The following C4orf54 variants were observed in gnomAD, a reference collection of about 807,000 sequenced individuals.
C4orf54 encodes chromosome 4 open reading frame 54, also known as uncharacterized protein C4orf54.
In C4orf54, 67 loss-of-function variants were observed where a neutral mutation model predicts 80.1. That is an observed-to-expected ratio of 0.84 (90% CI 0.69 to 1.03). The LOEUF (loss-of-function observed/expected upper bound fraction) is 1.03, where lower values mean the gene tolerates loss of function less well. Among genes scored for constraint, C4orf54 ranks in the 50% least tolerant of loss-of-function variants. The pLI is 0.00. For missense variants in C4orf54, 2,434 were observed against 2,253.5 expected (o/e 1.08, Z -1.62); for synonymous variants, 1,000 against 917.0 (o/e 1.09, Z -1.64).
chr4:99,648,246 GT>G, intron 2 of C4orf54, among the ~76,000 whole-genome samples: 1 of 152,162 alleles, frequency 6.6e-6, no homozygotes. Context: ...AAGTGTCCCG[GT>G]TTGAACAAGT....
At position 99,650,188 on chromosome 4, in the gene C4orf54, C is replaced by T. The variant is rs1560637644; in HGVS notation, c.4461G>A (p.Arg1487=). Residue 1487 remains arginine (R), a synonymous_variant, in exon 2 of 3, where the codon AGG becomes AGA. Coordinates refer to ENST00000511828, the MANE Select transcript of C4orf54 (RefSeq NM_001354435.2). ...GSSAAGELLS[R]PGASREGPPN... is the part of the protein sequence containing the mutation. ...GGGGCCCCTCCCTGGAAGCCCCAGGCCTGCTAAGAAGCTCCCCTGCAGCAG... is the reference window on the plus strand; with the variant it reads ...GGGGCCCCTCCCTGGAAGCCCCAGGTCTGCTAAGAAGCTCCCCTGCAGCAG... The T allele has an allele frequency of 6.5e-7, 1 of 1,536,026 alleles. No individual in the cohort carries two copies. Among genetic ancestry groups the T allele is most frequent in the African/African-American group, 1.4e-5 (1 of 73,118 alleles).
At position 99,639,280 on chromosome 4, in the gene C4orf54, T is replaced by C. The variant is rs1375203290; in HGVS notation, c.*1953A>G. The C allele has an allele frequency of 6.6e-6, 1 of 152,136 alleles. No individual in the cohort carries two copies. Among genetic ancestry groups the C allele is most frequent in the African/African-American group, 2.4e-5 (1 of 41,440 alleles). The allele number at this position is 152,136 out of a possible 1,614,324, so 9.4% of individuals were successfully genotyped here. ...GGAGGTTTCTTGGTGCTGCTTTCAG[T>C]AAAATAAGTGTAAGATTTCTGAAAG... On this transcript the variant is annotated 3_prime_UTR_variant, in exon 3 of 3. Transcript: ENST00000511828.
chr4:99,650,582 G>A lies in C4orf54; in HGVS notation c.4067C>T (p.Ala1356Val). ...NPSAESVSAR[A>V]AAFENLARER... Reference sequence around the variant, plus strand: ...CCTGGCCAGGTTCTCAAAGGCCGCTGCCCTGGCAGACACACTCTCAGCGCT... The same window carrying A: ...CCTGGCCAGGTTCTCAAAGGCCGCTACCCTGGCAGACACACTCTCAGCGCT... Residue 1356 changes from alanine (A) to valine (V), a missense_variant, in exon 2 of 3, where the codon GCA becomes GTA. By Grantham distance (64) the Ala-to-Val change is moderately conservative (BLOSUM62 0). Transcript: ENST00000511828. 2 of 1,536,098 alleles carry A rather than the reference G, an allele frequency of 1.3e-6. No individual in the cohort carries two copies. The highest frequency in any genetic ancestry group is 1.7e-6 in the Non-Finnish European group (2 of 1,146,900).
rs542771394 is a variant in C4orf54, at chr4:99,638,256, T to C, written c.*2977A>G. On this transcript the variant is annotated 3_prime_UTR_variant, in exon 3 of 3. Transcript: ENST00000511828. ...CCTCTCTGCTATGTCATTACCTACA[T>C]ATCTGGGCCTTCACTTAATCCTGAG... 4 of 152,268 alleles carry C rather than the reference T, an allele frequency of 2.6e-5. No individual in the cohort carries two copies. Among genetic ancestry groups the C allele is most frequent in the African/African-American group, 9.6e-5 (4 of 41,576 alleles). The allele number at this position is 152,268 out of a possible 1,614,324, so 9.4% of individuals were successfully genotyped here.
At chr4:99,648,560 T>TGTGTGTGTGTGTGTGTGA (rs1726738683) in intron 2 of C4orf54, among the ~76,000 whole-genome samples, 1 of 151,300 alleles carries the variant, frequency 6.6e-6, no homozygotes, top group Non-Finnish European at 1.5e-5. Context: ...ACAAAGTGTG[T>TGTGTGTGTGTGTGTGTGA]GTGTGTGTGT....
At chr4:99,644,272 T>C (rs1391435219) in intron 2 of C4orf54, among the ~76,000 whole-genome samples, 1 of 152,176 alleles carries the variant, frequency 6.6e-6, no homozygotes, top group African/African-American at 2.4e-5. Context: ...AAATGATTAA[T>C]ACATACTAGC....
rs554434528 is a variant in C4orf54 at position 99,653,443 on chromosome 4, C to G, written c.1206G>C (p.Ser402=). The change falls in exon 2 of 3, where the codon TCG becomes TCC. Residue 402 remains serine (S), a synonymous_variant. Coordinates refer to ENST00000511828, the MANE Select transcript of C4orf54 (RefSeq NM_001354435.2). The stretch of plus-strand genomic sequence containing the variant: ...CACCAAAGGAAGCATAATCCACGAA[C>G]GAGTAGATCACGTTGTTGTCCTCGA... ...WDFEDNNVIY[S]FVDYASFGGS... 14 of 1,536,030 alleles carry G rather than the reference C, an allele frequency of 9.1e-6. No individual in the cohort carries two copies. The African/African-American group carries it at 1.8e-4, about 20-fold the overall frequency.
In C4orf54 at chr4:99,650,537, T is replaced by C. The variant is rs1407751407; in HGVS notation, c.4112A>G (p.Tyr1371Cys). The C allele has an allele frequency of 2.6e-6, 4 of 1,536,000 alleles. No homozygotes were observed. The highest frequency in any genetic ancestry group is 3.5e-6 in the Non-Finnish European group (4 of 1,146,880). Residue 1371 changes from tyrosine to cysteine, a missense_variant, in exon 2 of 3, where the codon TAT becomes TGT. Transcript: ENST00000511828. ...NLARERPRSL[Y>C]IPPVHKDVER... Reference sequence around the variant, plus strand: ...TACATCCTTGTGGACTGGGGGAATATAGAGAGATCGGGGTCTTTCCCTGGC... The same window carrying C: ...TACATCCTTGTGGACTGGGGGAATACAGAGAGATCGGGGTCTTTCCCTGGC...
In C4orf54 at chr4:99,652,965, G is replaced by C; in HGVS notation, c.1684C>G (p.His562Asp). 1 of 1,536,180 alleles carries C rather than the reference G, an allele frequency of 6.5e-7. No homozygotes were observed. The highest frequency in any genetic ancestry group is 8.7e-7 in the Non-Finnish European group (1 of 1,146,918). ...MSLRVSTAAE[H>D]NSSSLKQNPA... ...TTTTGCTTCAGCGAACTTGAATTGT[G>C]TTCAGCAGCTGTAGAGACGCGGAGG... is the stretch of plus-strand genomic sequence containing the variant. Residue 562 changes from histidine (H) to aspartate (D), a missense_variant, in exon 2 of 3, where the codon CAC (histidine) becomes GAC (aspartate). His to Asp is a moderately conservative substitution (Grantham distance 81). Coordinates refer to ENST00000511828, the MANE Select transcript of C4orf54 (RefSeq NM_001354435.2).
chr4:99,646,655 C>T (rs1726705983), intron 2 of C4orf54, among the ~76,000 whole-genome samples: 1 of 152,116 alleles, frequency 6.6e-6, no homozygotes, highest in Non-Finnish European at 1.5e-5. Context: ...TTTCTAAGTC[C>T]CAGTTTTCTT....
rs114727691 is a variant in C4orf54 at position 99,638,749 on chromosome 4, C to A, written c.*2484G>T. 1 of 151,990 alleles carries A rather than the reference C, an allele frequency of 6.6e-6. No homozygotes were observed. The highest frequency in any genetic ancestry group is 1.5e-5 in the Non-Finnish European group (1 of 67,976). 9.4% of individuals were successfully genotyped at this position (151,990 alleles called of 1,614,324 possible). ...TCAAGATTGAGATTTACCTCATGCC[C>A]GTGAAAATATTTTTTCCCTATCACT... On this transcript the variant is annotated 3_prime_UTR_variant, in exon 3 of 3. Transcript: ENST00000511828.
In C4orf54 at chr4:99,657,737, C is replaced by T. The variant is rs1403904569; in HGVS notation, c.-274G>A. ...GGCTAAAGTAAAACAATTAAGAACCCCAAACTGCTTTCCCTCTGGCATTTT... is the reference window on the plus strand; with the variant it reads ...GGCTAAAGTAAAACAATTAAGAACCTCAAACTGCTTTCCCTCTGGCATTTT... On this transcript the variant is annotated 5_prime_UTR_variant, in exon 1 of 3. Coordinates refer to ENST00000511828, the MANE Select transcript of C4orf54 (RefSeq NM_001354435.2). Among the ~76,000 whole-genome samples, 5 of 152,098 alleles carry T rather than the reference C, an allele frequency of 3.3e-5. No homozygotes were observed. The highest frequency in any genetic ancestry group is 7.4e-5 in the Non-Finnish European group (5 of 67,998).
Position 99,650,213 on chromosome 4 carries a change from G to T in C4orf54, c.4436C>A (p.Ser1479Tyr). ...NYLTIPLKGS[S>Y]AAGELLSRPG... Reference sequence around the variant, plus strand: ...CCTGCTAAGAAGCTCCCCTGCAGCAGAGCTTCCTTTAAGAGGGATGGTCAG... The same window carrying T: ...CCTGCTAAGAAGCTCCCCTGCAGCATAGCTTCCTTTAAGAGGGATGGTCAG... The change falls in exon 2 of 3, where the codon TCT (serine) becomes TAT (tyrosine). Residue 1479 changes from serine to tyrosine, a missense_variant. By Grantham distance (144) the Ser-to-Tyr change is moderately radical. Coordinates refer to ENST00000511828, the MANE Select transcript of C4orf54 (RefSeq NM_001354435.2). 2.6e-6 allele frequency: 4 copies of T among 1,536,054 alleles called. No homozygotes were observed. The highest frequency in any genetic ancestry group is 3.5e-6 in the Non-Finnish European group (4 of 1,146,890).
At chr4:99,655,447 C>T (rs532877063) in intron 1 of C4orf54, among the ~76,000 whole-genome samples, 10 of 152,296 alleles carry the variant, frequency 6.6e-5, no homozygotes, top group African/African-American at 1.7e-4. Context: ...CCTCATGATT[C>T]GGTTACGCTG....
rs1431164062 is a variant in C4orf54 at position 99,650,878 on chromosome 4, C to G, written c.3771G>C (p.Leu1257=). 6.5e-7 allele frequency: 1 copy of G among 1,536,170 alleles called. No homozygotes were observed. The highest frequency in any genetic ancestry group is 8.7e-7 in the Non-Finnish European group (1 of 1,146,934). The change falls in exon 2 of 3, where the codon CTG becomes CTC. Residue 1257 remains leucine, a synonymous_variant. Coordinates refer to ENST00000511828, the MANE Select transcript of C4orf54 (RefSeq NM_001354435.2). ...CTTCCATGGACCTCACGGCTGCAGT[C>G]AGCTTCTCCAGGGCATTCCGGGCTG... ...TKPARNALEK[L]TAAVRSMEEL... is the part of the protein sequence containing the mutation.
Position 99,652,778 on chromosome 4 carries a change from C to T in C4orf54, c.1871G>A (p.Arg624His), listed in dbSNP as rs868847374. Residue 624 changes from arginine (R) to histidine (H), a missense_variant, in exon 2 of 3, where the codon CGT (arginine) becomes CAT (histidine). By Grantham distance (29) the Arg-to-His change is conservative. Transcript: ENST00000511828. ...SELDDADKEV[R>H]NLTSRAFRSL... ...CCGGAAGGCCCGGGAGGTCAGGTTA[C>T]GCACCTCTTTGTCCGCATCGTCCAG... The T allele has an allele frequency of 3.3e-6, 5 of 1,535,988 alleles. No individual in the cohort carries two copies. The highest frequency in any genetic ancestry group is 2.4e-5 in the East Asian group (1 of 40,900).
Position 99,653,664 on chromosome 4 carries a change from C to T in C4orf54, c.985G>A (p.Gly329Arg), listed in dbSNP as rs79703522. 1 of 1,524,626 alleles carries T rather than the reference C, an allele frequency of 6.6e-7. No homozygotes were observed. Among genetic ancestry groups the T allele is most frequent in the Non-Finnish European group, 8.8e-7 (1 of 1,141,228 alleles). 94.4% of individuals were successfully genotyped at this position (1,524,626 alleles called of 1,614,324 possible). ...GGEGEKISGG[G>R]GGGKGGGGGG... The stretch of plus-strand genomic sequence containing the variant: ...CCCCCTCCTCCTTTTCCTCCTCCCC[C>T]TCCTCCTGATATTTTCTCTCCTTCT... The change falls in exon 2 of 3, where the codon GGG (glycine) becomes AGG (arginine). Residue 329 changes from glycine (G) to arginine (R), a missense_variant. By Grantham distance (125) the Gly-to-Arg change is moderately radical. Transcript: ENST00000511828.
At chr4:99,648,051 T>TA (rs1560636217) in intron 2 of C4orf54, among the ~76,000 whole-genome samples, 3 of 138,398 alleles carry the variant, frequency 2.2e-5, no homozygotes, top group Non-Finnish European at 4.7e-5. Flanking sequence ...TCTTTTTTTT[T>TA]CTTTTTTTTT....
rs1228900857 is a variant in C4orf54, at chr4:99,654,767, AAAG to A, written c.-31-91_-31-89del. ...ATATCGAAACCACACTTGAGGGTAG[AAAG>A]AAGAGGCTCTAATGAGATGAAAAGA... On this transcript the variant is annotated intron_variant, in intron 1 of 2. Transcript: ENST00000511828. 34 of 597,344 alleles carry A rather than the reference AAAG, an allele frequency of 5.7e-5. No homozygotes were observed. The East Asian group carries it at 9.1e-4, about 16-fold the overall frequency. The allele number at this position is 597,344 out of a possible 1,614,324, so 37.0% of individuals were successfully genotyped here.
Sources: allele counts gnomAD v4.1 joint callset (sites outside exome capture counted in the v4.1 genomes callset), GRCh38; gene constraint gnomAD v4.1.1; transcripts MANE v1.5; gene names NCBI Gene and HGNC (gene_info 2026-07-23, HGNC 2026-07-21).